The following B3GALT5 variants were observed in gnomAD, a reference collection of about 807,000 sequenced individuals.
The protein encoded by B3GALT5 is beta-1,3-galactosyltransferase 5.
For synonymous variants in B3GALT5, 156 were observed against 158.6 expected, an observed-to-expected ratio of 0.98 and a Z score of 0.12; for missense variants, 328 against 396.6, an observed-to-expected ratio of 0.83 and a Z score of 1.47.
At chr21:39,639,395 T>C (rs868669124) in intron 1 of B3GALT5, among the ~76,000 whole-genome samples, 6,679 of 76,748 alleles carry the variant, frequency 0.087, 373 homozygotes, top group Admixed American at 0.13. Flanking sequence ...TCCTTCCTTC[T>C]TTCTTTTTCT....
At chr21:39,619,572 T>C (rs1026939415) in intron 1 of B3GALT5, among the ~76,000 whole-genome samples, 18 of 152,192 alleles carry the variant, frequency 1.2e-4, no homozygotes, top group African/African-American at 3.9e-4. Context: ...TGCTTTATAA[T>C]GTATTTAGCT....
In B3GALT5 at chr21:39,660,212, G is replaced by A. The variant is rs180969319; in HGVS notation, c.-1+300G>A. Among the ~76,000 whole-genome samples, 9 of 152,252 alleles carry A rather than the reference G, an allele frequency of 5.9e-5. No individual in the cohort carries two copies. In the East Asian group the frequency reaches 9.7e-4, roughly 16 times the overall value. ...CCAGACCTGCAGCTTGTTTTGCTGC[G>A]CTTCATCATGGAGTCATAGAAGGGC... is the stretch of plus-strand genomic sequence containing the variant. On this transcript the variant is annotated intron_variant, in intron 3 of 3. Transcript: ENST00000684187.
chr21:39,643,860 G>C (rs1199764460), intron 1 of B3GALT5, among the ~76,000 whole-genome samples: 1 of 152,158 alleles, frequency 6.6e-6, no homozygotes, highest in Non-Finnish European at 1.5e-5. Flanking sequence ...TATGAGTTTT[G>C]CCTGCTCCCC....
In B3GALT5 at chr21:39,668,106, C is replaced by A. The variant is rs753630718; in HGVS notation, c.*6614C>A. 2 of 152,294 alleles carry A rather than the reference C, an allele frequency of 1.3e-5. No homozygotes were observed. The highest frequency in any genetic ancestry group is 2.4e-5 in the African/African-American group (1 of 41,482). The allele number at this position is 152,294 out of a possible 1,614,324, so 9.4% of individuals were successfully genotyped here. A position where few individuals can be genotyped will look rare whatever the true frequency, so the allele number is the denominator to read the frequency against. On this transcript the variant is annotated 3_prime_UTR_variant, in exon 4 of 4. Transcript: ENST00000684187. ...ATGGCCTGCAGTGGTTGCTTAGCAG[C>A]AATGGGTTTGCTTGGTTATTTCCTG...
chr21:39,626,463 T>C (rs1422805113), intron 1 of B3GALT5, among the ~76,000 whole-genome samples: 2 of 152,180 alleles, frequency 1.3e-5, no homozygotes, highest in Admixed American at 6.5e-5. Flanking sequence ...AATTGCTGGA[T>C]TATATAGTAA....
intron 1 of B3GALT5, among the ~76,000 whole-genome samples, chr21:39,619,716 A>G (rs1289246708): frequency 6.6e-6 from 1 of 152,180 alleles, no homozygotes; most frequent in Non-Finnish European, 1.5e-5. Context: ...CCCAAACACC[A>G]CAAGTTTTAA....
At position 39,660,662 on chromosome 21, in the gene B3GALT5, T is replaced by A. The variant is rs765352163; in HGVS notation, c.103T>A (p.Ser35Thr). 6.5e-7 allele frequency: 1 copy of A among 1,548,330 alleles called. No homozygotes were observed. Among genetic ancestry groups the A allele is most frequent in the East Asian group, 2.3e-5 (1 of 44,296 alleles). The change falls in exon 4 of 4, where the codon TCC becomes ACC. Residue 35 changes from serine (S) to threonine (T), a missense_variant. Transcript: ENST00000684187. ...CAGTCTAAATCCTTTCAAAGAACAG[T>A]CCTTTGTTTACAAGAAAGACGGGAA... Reference protein sequence around the residue: ...MYSLNPFKEQSFVYKKDGNFL... With the variant: ...MYSLNPFKEQTFVYKKDGNFL...
intron 1 of B3GALT5, among the ~76,000 whole-genome samples, chr21:39,613,715 C>T (rs2079093019): frequency 6.6e-6 from 1 of 152,198 alleles, no homozygotes; most frequent in African/African-American, 2.4e-5. Context: ...CGCATGTGCA[C>T]GTGTGTTCTC....
At chr21:39,629,058 T>A (rs185914388) in intron 1 of B3GALT5, among the ~76,000 whole-genome samples, 200 of 152,150 alleles carry the variant, frequency 1.3e-3, no homozygotes, top group African/African-American at 4.4e-3. Context: ...GTCGCCCAGG[T>A]TGGAGTGCAG....
intron 1 of B3GALT5, among the ~76,000 whole-genome samples, chr21:39,644,080 G>C (rs1456338947): frequency 2.0e-5 from 3 of 152,080 alleles, no homozygotes; most frequent in African/African-American, 7.2e-5. Flanking sequence ...GAAAGGGCAG[G>C]ATATTAAGAA....
intron 1 of B3GALT5, among the ~76,000 whole-genome samples, chr21:39,628,307 C>T (rs1265208790): frequency 1.2e-4 from 19 of 152,108 alleles, no homozygotes; most frequent in Admixed American, 8.5e-4. Flanking sequence ...TGGTTACATG[C>T]GTAGATTGTG....
intron 1 of B3GALT5, among the ~76,000 whole-genome samples, chr21:39,631,352 C>T (rs1306752918): frequency 6.6e-6 from 1 of 152,068 alleles, no homozygotes; most frequent in African/African-American, 2.4e-5. Context: ...GAGCATCTCC[C>T]TCATCTCCGC....
intron 1 of B3GALT5, among the ~76,000 whole-genome samples, chr21:39,633,197 G>A (rs745442599): frequency 6.6e-6 from 1 of 152,078 alleles, no homozygotes; most frequent in African/African-American, 2.4e-5. Context: ...GGCCACAAAG[G>A]TTTCTGTGGA....
chr21:39,634,895 G>T (rs189458288), intron 1 of B3GALT5, among the ~76,000 whole-genome samples: 2 of 152,104 alleles, frequency 1.3e-5, no homozygotes, highest in African/African-American at 4.8e-5. Flanking sequence ...GAGACAACGC[G>T]TAATGGCAGG....
intron 2 of B3GALT5, among the ~76,000 whole-genome samples, chr21:39,656,376 G>T (rs983049965): frequency 1.3e-5 from 2 of 152,074 alleles, no homozygotes; most frequent in Non-Finnish European, 2.9e-5. Context: ...GGGTTTCCTT[G>T]GTCTGGAATT....
chr21:39,622,364 A>G (rs1300687968), intron 1 of B3GALT5, among the ~76,000 whole-genome samples: 1 of 152,140 alleles, frequency 6.6e-6, no homozygotes, highest in Non-Finnish European at 1.5e-5. Flanking sequence ...GTGTAAAAAT[A>G]AAATTTATTC....
intron 1 of B3GALT5, among the ~76,000 whole-genome samples, chr21:39,640,963 T>G (rs915126345): frequency 6.6e-6 from 1 of 152,116 alleles, no homozygotes; most frequent in African/African-American, 2.4e-5. Context: ...TGGTGTCGTC[T>G]CGAACTCCTG....
chr21:39,653,213 C>G (rs1469037881), intron 2 of B3GALT5, among the ~76,000 whole-genome samples: 1 of 152,246 alleles, frequency 6.6e-6, no homozygotes, highest in Non-Finnish European at 1.5e-5. Context: ...ATGTCTAGCT[C>G]TTTTCACTCA....
intron 2 of B3GALT5, among the ~76,000 whole-genome samples, chr21:39,655,360 TGCTGCAAGA>T (rs2079432726): frequency 1.3e-5 from 2 of 152,234 alleles, no homozygotes; most frequent in African/African-American, 4.8e-5. Flanking sequence ...TTCACCATCG[TGCTGCAAGA>T]GCTGCAAAAC....
Sources: gnomAD v4.1 joint callset for allele counts (sites outside exome capture counted in the v4.1 genomes callset) on GRCh38, gnomAD v4.1.1 for gene constraint, MANE v1.5 for transcripts, NCBI Gene and HGNC (gene_info 2026-07-23, HGNC 2026-07-21) for gene names.